PAG1: variants seen among roughly 807,000 people sequenced by gnomAD.
PAG1 encodes the protein phosphoprotein membrane anchor with glycosphingolipid microdomains 1.
Under a neutral mutation model 31.7 loss-of-function variants are expected in PAG1, and 23 were observed. That is an observed-to-expected ratio of 0.73 (90% CI 0.52 to 1.03). The LOEUF (loss-of-function observed/expected upper bound fraction) is 1.03. PAG1 is among the 50% of genes least tolerant of loss of function. PAG1 has a pLI of 0.00. For missense variants in PAG1, 473 were observed against 540.7 expected (o/e 0.87, Z 1.24); for synonymous variants, 214 against 210.3 (o/e 1.02, Z -0.15).
intron 2 of PAG1, among the ~76,000 whole-genome samples, chr8:81,055,486 C>A (rs1185296622): frequency 6.6e-6 from 1 of 151,804 alleles, no homozygotes; most frequent in African/African-American, 2.4e-5. Flanking sequence ...GAGTATGTTT[C>A]TGGGAAGAAA....
chr8:80,991,517 G>C lies in PAG1; in HGVS notation c.139C>G (p.Arg47Gly). The change falls in exon 5 of 9, where the codon CGA becomes GGA. Residue 47 changes from arginine (R) to glycine (G), a missense_variant. By Grantham distance (125) the Arg-to-Gly change is moderately radical. Coordinates refer to ENST00000220597, the MANE Select transcript of PAG1 (RefSeq NM_018440.4). Reference protein sequence around the residue: ...CSSCDREKKPRQHSGDHENLM... With the variant: ...CSSCDREKKPGQHSGDHENLM... The stretch of plus-strand genomic sequence containing the variant: ...TTCTCATGGTCCCCACTATGCTGTC[G>C]CGGCTTCTTTTCCCTGAAATGAAAA... The C allele has an allele frequency of 1.2e-6, 2 of 1,613,380 alleles. No homozygotes were observed. The highest frequency in any genetic ancestry group is 1.7e-6 in the Non-Finnish European group (2 of 1,179,346).
At chr8:81,051,731 T>C (rs118008661) in intron 2 of PAG1, among the ~76,000 whole-genome samples, 1 of 152,348 alleles carries the variant, frequency 6.6e-6, no homozygotes, top group Non-Finnish European at 1.5e-5. Context: ...TTTATGTAAA[T>C]ATTTAGCAAG....
chr8:80,998,646 T>C (rs182171260), intron 3 of PAG1, among the ~76,000 whole-genome samples: 16 of 151,732 alleles, frequency 1.1e-4, no homozygotes, highest in Non-Finnish European at 2.2e-4. Context: ...ATGGCAGCTA[T>C]TTATTTCTTT....
At chr8:81,080,734 A>G (rs542333966) in intron 1 of PAG1, among the ~76,000 whole-genome samples, 4 of 152,326 alleles carry the variant, frequency 2.6e-5, no homozygotes, top group Admixed American at 2.6e-4. Flanking sequence ...ATGTAAATTT[A>G]AAAAGAATAA....
At chr8:80,995,676 T>A (rs573560156) in intron 3 of PAG1, among the ~76,000 whole-genome samples, 1 of 152,382 alleles carries the variant, frequency 6.6e-6, no homozygotes, top group Non-Finnish European at 1.5e-5. Context: ...GATTAATTGA[T>A]GCCCATTTAT....
chr8:80,976,838 T>C lies in PAG1; in HGVS notation c.1005A>G (p.Thr335=), dbSNP rs769258692. ...QLVNKSGQSL[T]VPESTYTSIQ... is the part of the protein sequence containing the mutation. ...TGGAGGTGTAGGTGGACTCCGGAAC[T>C]GTAAGCGACTGCCCCGATTTATTCA... The change falls in exon 9 of 9, where the codon ACA becomes ACG. Residue 335 remains threonine (T), a synonymous_variant. Transcript: ENST00000220597. 2.5e-6 allele frequency: 4 copies of C among 1,613,684 alleles called. No individual in the cohort carries two copies. The highest frequency in any genetic ancestry group is 2.5e-6 in the Non-Finnish European group (3 of 1,179,682).
chr8:81,087,149 C>T (rs1397968696), intron 1 of PAG1, among the ~76,000 whole-genome samples: 2 of 152,124 alleles, frequency 1.3e-5, no homozygotes, highest in African/African-American at 4.8e-5. Flanking sequence ...TGGAGACCAG[C>T]CTGACCAACA....
intron 2 of PAG1, among the ~76,000 whole-genome samples, chr8:81,036,757 C>G (rs1808467948): frequency 6.6e-6 from 1 of 152,188 alleles, no homozygotes; most frequent in Non-Finnish European, 1.5e-5. Flanking sequence ...TGCTGCTTCT[C>G]CCAGCTGTGC....
At chr8:81,026,685 G>A (rs1012983897) in intron 3 of PAG1, among the ~76,000 whole-genome samples, 2 of 152,070 alleles carry the variant, frequency 1.3e-5, no homozygotes, top group African/African-American at 4.8e-5. Flanking sequence ...CAAGCAGGCA[G>A]GATAGGAGGC....
rs189912791 is a variant in PAG1 at position 80,993,900 on chromosome 8, G to T, written c.-80-593C>A. ...GGATTACAGTGTGCCACTGCACCTGGCCTGGATGGATTCTTAATGTCTTCA... is the reference window on the plus strand; with the variant it reads ...GGATTACAGTGTGCCACTGCACCTGTCCTGGATGGATTCTTAATGTCTTCA... On this transcript the variant is annotated intron_variant, in intron 3 of 8. Transcript: ENST00000220597. Among the ~76,000 whole-genome samples, 5 of 152,114 alleles carry T rather than the reference G, an allele frequency of 3.3e-5. No individual in the cohort carries two copies. In the East Asian group the frequency reaches 5.8e-4, roughly 18 times the overall value.
intron 2 of PAG1, among the ~76,000 whole-genome samples, chr8:81,034,192 C>G (rs1490809814): frequency 6.6e-6 from 1 of 152,204 alleles, no homozygotes; most frequent in African/African-American, 2.4e-5. Context: ...GACATCTCAT[C>G]GATAACTGCC....
At chr8:80,985,845 C>T (rs995288242) in intron 6 of PAG1, among the ~76,000 whole-genome samples, 1 of 152,162 alleles carries the variant, frequency 6.6e-6, no homozygotes, top group Non-Finnish European at 1.5e-5. Flanking sequence ...GTTTGGCAGA[C>T]ATAATAGAAA....
At position 81,015,361 on chromosome 8, in the gene PAG1, T is replaced by A. The variant is rs369262929; in HGVS notation, c.-81+14635A>T. On this transcript the variant is annotated intron_variant, in intron 3 of 8. Coordinates refer to ENST00000220597, the MANE Select transcript of PAG1 (RefSeq NM_018440.4). ...ATTTTGGGAACTGAAACATTGTACT[T>A]GACCGTCTCTGGTTCTTTTCCTGAG... is the stretch of plus-strand genomic sequence containing the variant. Among the ~76,000 whole-genome samples the A allele has an allele frequency of 7.2e-5, 11 of 152,362 alleles. No homozygotes were observed. The East Asian group carries it at 1.7e-3, about 24-fold the overall frequency.
At chr8:81,029,680 C>T (rs937345549) in intron 3 of PAG1, 4 of 152,106 alleles carry the variant, frequency 2.6e-5, no homozygotes, top group Admixed American at 6.5e-5. Context: ...AATCGAACCC[C>T]GCTGGCTTTT....
intron 2 of PAG1, among the ~76,000 whole-genome samples, chr8:81,044,308 T>A (rs1430391201): frequency 1.3e-5 from 2 of 152,144 alleles, no homozygotes; most frequent in African/African-American, 4.8e-5. Flanking sequence ...CCTAACCCAT[T>A]AGGATTGATG....
At chr8:81,055,279 G>A (rs1808800450) in intron 2 of PAG1, among the ~76,000 whole-genome samples, 1 of 151,900 alleles carries the variant, frequency 6.6e-6, no homozygotes, top group African/African-American at 2.4e-5. Context: ...TTGCCCATAT[G>A]GCAGTGCCAT....
chr8:81,086,973 A>G (rs955528131), intron 1 of PAG1, among the ~76,000 whole-genome samples: 3 of 151,428 alleles, frequency 2.0e-5, no homozygotes, highest in African/African-American at 7.4e-5. Flanking sequence ...TCTAAGGTAT[A>G]TATCTGAGAG....
intron 2 of PAG1, among the ~76,000 whole-genome samples, chr8:81,035,656 C>A (rs1439997966): frequency 6.6e-6 from 1 of 152,088 alleles, no homozygotes; most frequent in Non-Finnish European, 1.5e-5. Context: ...AGTGAGGGAA[C>A]AAGGAAGGCA....
At chr8:80,998,224 G>T (rs1418568882) in intron 3 of PAG1, among the ~76,000 whole-genome samples, 1 of 150,094 alleles carries the variant, frequency 6.7e-6, no homozygotes, top group African/African-American at 2.5e-5. Context: ...TCGCTTCCTG[G>T]GTTCAAGCAA....
Sources: gnomAD v4.1 joint callset for allele counts (sites outside exome capture counted in the v4.1 genomes callset) on GRCh38, gnomAD v4.1.1 for gene constraint, MANE v1.5 for transcripts, NCBI Gene and HGNC (gene_info 2026-07-23, HGNC 2026-07-21) for gene names.